Variants in RUBCN observed in about 807,000 individuals in gnomAD.
The protein encoded by RUBCN is run domain Beclin-1-interacting and cysteine-rich domain-containing protein.
A neutral mutation model predicts 113.2 loss-of-function variants in RUBCN; 74 were observed. That is an observed-to-expected ratio of 0.65 (90% confidence interval 0.54 to 0.79). The LOEUF is 0.79. Ranked by LOEUF, RUBCN falls within the 30% of genes least tolerant of loss-of-function variation. The probability of loss-of-function intolerance (pLI) is 0.00; values close to 1 mark genes in which losing one functional copy is unlikely to be tolerated. For synonymous variants in RUBCN, 480 were observed against 490.0 expected (o/e 0.98, Z 0.27); for missense variants, 1,109 against 1,251.7 (o/e 0.89, Z 1.72).
intron 11 of RUBCN, among the ~76,000 whole-genome samples, chr3:197,688,768 A>C (rs1285109653): frequency 6.6e-6 from 1 of 152,248 alleles, no homozygotes; most frequent in Non-Finnish European, 1.5e-5. Context: ...GAAGTAGATG[A>C]CGTGAAAGAC....
intron 18 of RUBCN, chr3:197,676,110 A>G: frequency 1.3e-6 from 1 of 783,286 alleles, no homozygotes; most frequent in Non-Finnish European, 1.6e-6. Flanking sequence ...AGGAATACAT[A>G]AAGTATACAA....
At chr3:197,686,361 T>C (rs551920514) in intron 11 of RUBCN, among the ~76,000 whole-genome samples, 15 of 152,288 alleles carry the variant, frequency 9.8e-5, no homozygotes, top group Admixed American at 2.0e-4. Flanking sequence ...CGGAGGTACA[T>C]GCAGGGGCTT....
At position 197,671,487 on chromosome 3, in the gene RUBCN, T is replaced by G. The variant is rs1046269521; in HGVS notation, c.*3531A>C. 5 of 152,148 alleles carry G rather than the reference T, an allele frequency of 3.3e-5. No homozygotes were observed. Among genetic ancestry groups the G allele is most frequent in the African/African-American group, 1.2e-4 (5 of 41,422 alleles). 9.4% of individuals were successfully genotyped at this position (152,148 alleles called of 1,614,324 possible). ...CAGGGAGTAGGAATGAGACGATGCG[T>G]GATGAGCTCAGTGTGCCACTTACAG... On this transcript the variant is annotated 3_prime_UTR_variant, in exon 20 of 20. Coordinates refer to ENST00000296343, the MANE Select transcript of RUBCN (RefSeq NM_014687.4).
At chr3:197,743,608 A>T (rs78940078) in intron 1 of RUBCN, among the ~76,000 whole-genome samples, 13,614 of 152,264 alleles carry the variant, frequency 0.089, 894 homozygotes, top group Non-Finnish European at 0.13. Flanking sequence ...GGTAGAATGG[A>T]AAAAATTGAA....
intron 3 of RUBCN, 88 bp downstream of exon 3, chr3:197,705,004 C>A (rs552541677): frequency 2.0e-5 from 21 of 1,043,220 alleles, no homozygotes; most frequent in Non-Finnish European, 3.0e-5. Context: ...ATATTCCCTC[C>A]TTGGAGCCTA....
At chr3:197,742,734 G>A (rs761742269) in intron 1 of RUBCN, among the ~76,000 whole-genome samples, 1 of 152,236 alleles carries the variant, frequency 6.6e-6, no homozygotes, top group African/African-American at 2.4e-5. Flanking sequence ...ACAGAGAGAA[G>A]AAGCCTGGGA....
intron 1 of RUBCN, among the ~76,000 whole-genome samples, chr3:197,743,889 C>G (rs1036709730): frequency 2.0e-5 from 3 of 152,012 alleles, no homozygotes; most frequent in Non-Finnish European, 4.4e-5. Flanking sequence ...GAGGCTGAGG[C>G]AGGAGAATTG....
At chr3:197,698,564 A>AG (rs1047449310) in intron 7 of RUBCN, among the ~76,000 whole-genome samples, 132 of 151,838 alleles carry the variant, frequency 8.7e-4, no homozygotes, top group African/African-American at 3.1e-3. Context: ...ACTGCAGGAG[A>AG]GGGAAAAAAA....
At chr3:197,703,330 A>G (rs1186285515) in intron 5 of RUBCN, among the ~76,000 whole-genome samples, 2 of 137,718 alleles carry the variant, frequency 1.5e-5, no homozygotes, top group African/African-American at 5.3e-5. Flanking sequence ...CCCAGGAGAT[A>G]GAGGTTGCAG....
At chr3:197,744,610 C>A (rs1728662381) in intron 1 of RUBCN, among the ~76,000 whole-genome samples, 1 of 152,146 alleles carries the variant, frequency 6.6e-6, no homozygotes, top group African/African-American at 2.4e-5. Context: ...TGTTCACTTT[C>A]ACTACTCCAA....
At chr3:197,716,461 G>C (rs1321937526) in intron 2 of RUBCN, among the ~76,000 whole-genome samples, 1 of 152,174 alleles carries the variant, frequency 6.6e-6, no homozygotes, top group Non-Finnish European at 1.5e-5. Flanking sequence ...ATGCATGAAA[G>C]TCAGAAATAA....
At chr3:197,748,113 T>A (rs1470527471) in intron 1 of RUBCN, 4 of 151,490 alleles carry the variant, frequency 2.6e-5, no homozygotes, top group African/African-American at 7.2e-5. Context: ...TTTATTTTTT[T>A]ATTTATTTTT....
intron 4 of RUBCN, among the ~76,000 whole-genome samples, chr3:197,704,337 G>A (rs191086718): frequency 1.8e-4 from 28 of 152,336 alleles, no homozygotes; most frequent in Admixed American, 1.8e-3. Context: ...AGGAGGCTGA[G>A]CCGGGAGAAT....
intron 11 of RUBCN, among the ~76,000 whole-genome samples, chr3:197,687,866 C>T (rs1473372019): frequency 1.3e-5 from 2 of 152,190 alleles, no homozygotes; most frequent in African/African-American, 4.8e-5. Context: ...CTGGCACCAT[C>T]TCAGGGCAGC....
chr3:197,738,204 C>A (rs1436987642), upstream of RUBCN, among the ~76,000 whole-genome samples: 1 of 152,182 alleles, frequency 6.6e-6, no homozygotes, highest in East Asian at 1.9e-4. Context: ...CCTTGAGTTG[C>A]TAGTTTGCAA....
At position 197,682,337 on chromosome 3, in the gene RUBCN, C is replaced by T. The variant is rs1053456312; in HGVS notation, c.2126+133G>A. On this transcript the variant is annotated intron_variant, in intron 14 of 19. Coordinates refer to ENST00000296343, the MANE Select transcript of RUBCN (RefSeq NM_014687.4). ...CGAAGGACCAAATGGACGACGCCCC[C>T]CCTCTGCCTTTAAATGAAGAGAACG... 5 of 1,060,402 alleles carry T rather than the reference C, an allele frequency of 4.7e-6. No homozygotes were observed. The Admixed American group carries it at 6.2e-5, about 13-fold the overall frequency. The allele number at this position is 1,060,402 out of a possible 1,614,324, so 65.7% of individuals were successfully genotyped here.
At chr3:197,702,758 T>C (rs528116117) in intron 5 of RUBCN, among the ~76,000 whole-genome samples, 1 of 152,310 alleles carries the variant, frequency 6.6e-6, no homozygotes, top group South Asian at 2.1e-4. Context: ...GATTCCATTC[T>C]AGCTAAGGCA....
At chr3:197,711,653 T>C (rs1374751585) in intron 2 of RUBCN, among the ~76,000 whole-genome samples, 1 of 152,016 alleles carries the variant, frequency 6.6e-6, no homozygotes, top group East Asian at 1.9e-4. Context: ...GGCAACATAG[T>C]GAGACCCTGT....
At chr3:197,744,630 A>G (rs1319519436) in intron 1 of RUBCN, among the ~76,000 whole-genome samples, 2 of 152,236 alleles carry the variant, frequency 1.3e-5, no homozygotes, top group African/African-American at 4.8e-5. Flanking sequence ...ATTAAACATG[A>G]TACTAGAGTC....
Sources: allele counts gnomAD v4.1 joint callset (sites outside exome capture counted in the v4.1 genomes callset), GRCh38; gene constraint gnomAD v4.1.1; transcripts MANE v1.5; gene names NCBI Gene and HGNC (gene_info 2026-07-23, HGNC 2026-07-21).